The following MOB1B variants were observed in gnomAD, a reference collection of about 807,000 sequenced individuals.
The protein encoded by MOB1B is MOB kinase activator 1B, also known as MOB1 Mps One Binder homolog B.
In MOB1B, 19 loss-of-function variants were observed where a neutral mutation model predicts 24.4. The observed-to-expected ratio is 0.78, with a 90% CI of 0.54 to 1.14. The LOEUF is 1.14. MOB1B is among the 50% of genes most tolerant of loss of function. MOB1B has a pLI of 0.00. For synonymous variants in MOB1B, 76 were observed against 82.1 expected, an observed-to-expected ratio of 0.93 and a Z score of 0.40; for missense variants, 243 against 259.6, an observed-to-expected ratio of 0.94 and a Z score of 0.44.
At chr4:70,950,761 C>CTGTA in intron 1 of MOB1B, 1 of 1,534,460 alleles carries the variant, frequency 6.5e-7, no homozygotes, top group Non-Finnish European at 8.7e-7. Context: ...AATACCTGAT[C>CTGTA]TGTAGTGTTG....
intron 1 of MOB1B, among the ~76,000 whole-genome samples, chr4:70,943,916 T>G (rs1182658576): frequency 6.6e-6 from 1 of 152,046 alleles, no homozygotes; most frequent in Admixed American, 6.5e-5. Context: ...TGAAAAAATA[T>G]ATAAATACAA....
chr4:70,906,910 A>G (rs1396009359), intron 1 of MOB1B, among the ~76,000 whole-genome samples: 2 of 152,232 alleles, frequency 1.3e-5, no homozygotes, highest in Non-Finnish European at 2.9e-5. Flanking sequence ...ATCGTCATCT[A>G]TGATAGATGC....
intron 1 of MOB1B, among the ~76,000 whole-genome samples, chr4:70,913,047 C>T (rs1399713087): frequency 6.6e-6 from 1 of 152,212 alleles, no homozygotes; most frequent in African/African-American, 2.4e-5. Flanking sequence ...TGTGAGCCAC[C>T]GGGCCCAGCC....
intron 1 of MOB1B, among the ~76,000 whole-genome samples, chr4:70,948,741 T>A (rs1737684073): frequency 6.6e-6 from 1 of 152,196 alleles, no homozygotes; most frequent in South Asian, 2.1e-4. Flanking sequence ...GTTTGCTTCT[T>A]GGTGAATATA....
intron 2 of MOB1B, among the ~76,000 whole-genome samples, chr4:70,968,931 A>AT (rs1487451832): frequency 1.3e-5 from 2 of 151,918 alleles, no homozygotes; most frequent in Admixed American, 6.5e-5. Context: ...GCCAGGTTTT[A>AT]TTTTTTCCCA....
At chr4:70,931,587 C>T (rs1181125239) in intron 1 of MOB1B, among the ~76,000 whole-genome samples, 1 of 152,022 alleles carries the variant, frequency 6.6e-6, no homozygotes, top group African/African-American at 2.4e-5. Context: ...TCTAGTCCAG[C>T]CTCTTTGTTT....
chr4:70,980,266 A>C (rs150152489), intron 5 of MOB1B, among the ~76,000 whole-genome samples: 14 of 152,284 alleles, frequency 9.2e-5, no homozygotes, highest in Non-Finnish European at 1.8e-4. Flanking sequence ...GTGGTATCCC[A>C]TGTCCAGAAC....
chr4:70,951,009 A>G (rs970765627), intron 1 of MOB1B, among the ~76,000 whole-genome samples: 1 of 152,170 alleles, frequency 6.6e-6, no homozygotes, highest in Non-Finnish European at 1.5e-5. Context: ...CCTTGAAGAG[A>G]TGGAGCTGTT....
Position 70,964,824 on chromosome 4 carries a change from G to T in MOB1B, c.182-5107G>T, listed in dbSNP as rs1335901649. Among the ~76,000 whole-genome samples the T allele has an allele frequency of 2.0e-5, 3 of 151,868 alleles. No homozygotes were observed. In the East Asian group the frequency reaches 5.8e-4, roughly 29 times the overall value. ...GGCATGCCTGTATCCCAGCTACGTGGGAGGCTGAGGCAGGAAAATTGCTTG... is the reference window on the plus strand; with the variant it reads ...GGCATGCCTGTATCCCAGCTACGTGTGAGGCTGAGGCAGGAAAATTGCTTG... On this transcript the variant is annotated intron_variant, in intron 2 of 5. Coordinates refer to ENST00000309395, the MANE Select transcript of MOB1B (RefSeq NM_173468.4).
intron 4 of MOB1B, among the ~76,000 whole-genome samples, chr4:70,978,401 G>A (rs28599782): frequency 0.19 from 29,299 of 152,146 alleles, 6,246 homozygotes; most frequent in African/African-American, 0.53. Flanking sequence ...GAGTGCAGAT[G>A]CCTTTACGAC....
intron 1 of MOB1B, among the ~76,000 whole-genome samples, chr4:70,918,004 A>G (rs2148871288): frequency 6.6e-6 from 1 of 152,336 alleles, no homozygotes; most frequent in South Asian, 2.1e-4. Flanking sequence ...TAACTTAATA[A>G]CCAAACTTAG....
intron 1 of MOB1B, among the ~76,000 whole-genome samples, chr4:70,905,228 T>A (rs1257372435): frequency 6.6e-6 from 1 of 152,056 alleles, no homozygotes; most frequent in Non-Finnish European, 1.5e-5. Context: ...GGTATAACTG[T>A]CTGAATACTG....
In MOB1B at chr4:70,935,890, T is replaced by C. The variant is rs1351207920; in HGVS notation, c.15-22984T>C. Among the ~76,000 whole-genome samples the C allele has an allele frequency of 3.4e-5, 5 of 148,820 alleles. No individual in the cohort carries two copies. In the East Asian group the frequency reaches 6.0e-4, roughly 18 times the overall value. Reference sequence around the variant, plus strand: ...TTTTTGAGACGGAGTCTCGCTCTGTTGCCCAGGCTGGAGTGCAGTGGCGGG... The same window carrying C: ...TTTTTGAGACGGAGTCTCGCTCTGTCGCCCAGGCTGGAGTGCAGTGGCGGG... On this transcript the variant is annotated intron_variant, in intron 1 of 5. Transcript: ENST00000309395.
chr4:70,903,649 TCTTTC>T (rs1735612415), intron 1 of MOB1B, among the ~76,000 whole-genome samples: 1 of 152,248 alleles, frequency 6.6e-6, no homozygotes, highest in African/African-American at 2.4e-5. Flanking sequence ...AGATTTCTCT[TCTTTC>T]CTTGCCTAAT....
intron 1 of MOB1B, among the ~76,000 whole-genome samples, chr4:70,936,877 G>A (rs1382650673): frequency 2.0e-5 from 3 of 152,070 alleles, no homozygotes; most frequent in Non-Finnish European, 4.4e-5. Context: ...GTCTGGGATC[G>A]AAGTTCCATT....
chr4:70,956,030 C>G (rs544295709), intron 1 of MOB1B, among the ~76,000 whole-genome samples: 2 of 152,068 alleles, frequency 1.3e-5, no homozygotes, highest in African/African-American at 4.8e-5. Context: ...TACTGCCATA[C>G]CTAACATTTA....
chr4:70,987,133 A>G lies in MOB1B; in HGVS notation c.*5076A>G, dbSNP rs1739405327. On this transcript the variant is annotated 3_prime_UTR_variant, in exon 6 of 6. Transcript: ENST00000309395. ...AATTAGGCTGATTTTGCAGGTCTTC[A>G]TTGTTAGAGATTCTGAAGTATTTAC... is the stretch of plus-strand genomic sequence containing the variant. The G allele has an allele frequency of 6.6e-6, 1 of 151,996 alleles. No individual in the cohort carries two copies. Among genetic ancestry groups the G allele is most frequent in the Non-Finnish European group, 1.5e-5 (1 of 67,940 alleles). 9.4% of individuals were successfully genotyped at this position (151,996 alleles called of 1,614,324 possible).
chr4:70,957,920 A>G (rs1043853255), intron 1 of MOB1B, among the ~76,000 whole-genome samples: 3 of 151,906 alleles, frequency 2.0e-5, no homozygotes, highest in Non-Finnish European at 2.9e-5. Context: ...CTTAAAAACT[A>G]TTAAAACCAC....
At position 70,958,858 on chromosome 4, in the gene MOB1B, TC is replaced by T. The variant is rs1738179058; in HGVS notation, c.15-15del. Reference sequence around the variant, plus strand: ...CCTTAAATATTAAACCCTTTTTTTTTCTTTTCTATTCATAGTGGTAGTCGCT... The same window carrying T: ...CCTTAAATATTAAACCCTTTTTTTTTTTTTCTATTCATAGTGGTAGTCGCT... On this transcript the variant is annotated splice_polypyrimidine_tract_variant and intron_variant, in intron 1 of 5. Coordinates refer to ENST00000309395, the MANE Select transcript of MOB1B (RefSeq NM_173468.4). 1.3e-6 allele frequency: 2 copies of T among 1,590,620 alleles called. No individual in the cohort carries two copies.
Sources: allele counts gnomAD v4.1 joint callset (sites outside exome capture counted in the v4.1 genomes callset), GRCh38; gene constraint gnomAD v4.1.1; transcripts MANE v1.5; gene names NCBI Gene and HGNC (gene_info 2026-07-23, HGNC 2026-07-21).